Variants in PDE7A observed in about 807,000 individuals in gnomAD.
The protein encoded by PDE7A is phosphodiesterase 7A.
PDE7A carries 39 observed loss-of-function variants against 64.3 expected under a neutral mutation model. The observed-to-expected ratio is 0.61, with a 90% CI of 0.47 to 0.79. The LOEUF (loss-of-function observed/expected upper bound fraction) is 0.79, where lower values mean the gene tolerates loss of function less well. Among genes scored for constraint, PDE7A ranks in the 30% least tolerant of loss-of-function variants. The pLI is 0.00. For synonymous variants in PDE7A, 203 were observed against 206.8 expected (o/e 0.98, Z 0.16); for missense variants, 470 against 582.8 (o/e 0.81, Z 1.99).
rs552487393 is a variant in PDE7A at position 65,816,794 on chromosome 8, G to A, written c.138+24577C>T. ...AAGATACTCTCTTTATCTTTCAGGA[G>A]TTTGACTATGTCTAGGCATGGGTCT... On this transcript the variant is annotated intron_variant, in intron 1 of 12. Coordinates refer to ENST00000401827, the MANE Select transcript of PDE7A (RefSeq NM_001242318.3). Among the ~76,000 whole-genome samples the A allele has an allele frequency of 8.5e-5, 13 of 152,280 alleles. No homozygotes were observed. The East Asian group carries it at 2.5e-3, about 29-fold the overall frequency.
intron 7 of PDE7A, chr8:65,728,506 A>G (rs1332684586): frequency 1.3e-5 from 2 of 152,216 alleles, no homozygotes; most frequent in Admixed American, 1.3e-4. Context: ...GCATATAATT[A>G]GTACACGGAG....
At chr8:65,742,699 T>A (rs1305115005) in intron 5 of PDE7A, among the ~76,000 whole-genome samples, 2 of 152,224 alleles carry the variant, frequency 1.3e-5, no homozygotes, top group Non-Finnish European at 2.9e-5. Flanking sequence ...GGAATTTTTT[T>A]CTGCCCATTT....
In PDE7A at chr8:65,745,405, AC is replaced by A; in HGVS notation, c.499+1del. On this transcript the variant is annotated splice_donor_variant, in intron 5 of 12. Coordinates refer to ENST00000401827, the MANE Select transcript of PDE7A (RefSeq NM_001242318.3). LOFTEE classifies it high-confidence loss of function. ...CTTGAGCAAGTCAAATTCTTCACTTACCATTTGTTAGTCTATCAAATAGAAA... is the reference window on the plus strand; with the variant it reads ...CTTGAGCAAGTCAAATTCTTCACTTACATTTGTTAGTCTATCAAATAGAAA... 1 of 1,507,336 alleles carries A rather than the reference AC, an allele frequency of 6.6e-7. No homozygotes were observed. The highest frequency in any genetic ancestry group is 1.1e-5 in the South Asian group (1 of 88,846). 93.4% of individuals were successfully genotyped at this position (1,507,336 alleles called of 1,614,324 possible).
At chr8:65,784,501 T>C (rs1809496013) in intron 1 of PDE7A, among the ~76,000 whole-genome samples, 2 of 151,992 alleles carry the variant, frequency 1.3e-5, no homozygotes, top group African/African-American at 4.8e-5. Context: ...AGCATGAAAA[T>C]ATTAAAAGAA....
In PDE7A at chr8:65,719,136, G is replaced by A; in HGVS notation, c.*154C>T. ...TTGCAATTAACAAGTGGGTTCAAAT[G>A]ATCCAACAGAGGAAATCTTGGAAAT... On this transcript the variant is annotated 3_prime_UTR_variant, in exon 13 of 13. Transcript: ENST00000401827. 1 of 618,658 alleles carries A rather than the reference G, an allele frequency of 1.6e-6. No homozygotes were observed. The highest frequency in any genetic ancestry group is 1.9e-5 in the South Asian group (1 of 51,432). The allele number at this position is 618,658 out of a possible 1,614,324, so 38.3% of individuals were successfully genotyped here.
intron 1 of PDE7A, among the ~76,000 whole-genome samples, chr8:65,833,689 C>G (rs1340829105): frequency 6.6e-6 from 1 of 152,190 alleles, no homozygotes. Context: ...CTGGGCCAGG[C>G]ACGGTGGCTC....
chr8:65,734,740 A>AAT, intron 7 of PDE7A, 54 bp downstream of exon 7: 1 of 997,338 alleles, frequency 1.0e-6, no homozygotes, highest in South Asian at 1.3e-5. Context: ...TGTGAAAGTA[A>AAT]ATCAAAAGGA....
chr8:65,730,197 T>TTTTTTTA (rs1806810961), intron 7 of PDE7A, among the ~76,000 whole-genome samples: 1 of 119,324 alleles, frequency 8.4e-6, no homozygotes, highest in Non-Finnish European at 1.7e-5. Context: ...TTTTTTTTTT[T>TTTTTTTA]GAGATGGAGT....
intron 3 of PDE7A, among the ~76,000 whole-genome samples, chr8:65,771,884 C>CAAAAAAAA (rs36101490): frequency 2.5e-4 from 14 of 55,774 alleles, no homozygotes; most frequent in Non-Finnish European, 3.0e-4. Flanking sequence ...CTCCATCTCT[C>CAAAAAAAA]AAAAAAAAAA....
intron 1 of PDE7A, among the ~76,000 whole-genome samples, chr8:65,825,873 T>G (rs918779235): frequency 6.6e-6 from 1 of 152,062 alleles, no homozygotes; most frequent in Non-Finnish European, 1.5e-5. Flanking sequence ...GAGGCGGAGA[T>G]GAATGCCAGG....
intron 3 of PDE7A, among the ~76,000 whole-genome samples, chr8:65,775,104 T>C (rs2128922302): frequency 6.6e-6 from 1 of 152,288 alleles, no homozygotes; most frequent in South Asian, 2.1e-4. Flanking sequence ...AAATAGTCCA[T>C]TTCGATTCTT....
intron 6 of PDE7A, among the ~76,000 whole-genome samples, chr8:65,738,681 C>T (rs140539684): frequency 0.04 from 6,104 of 152,324 alleles, 180 homozygotes; most frequent in Non-Finnish European, 0.062. Flanking sequence ...GATCCACCCG[C>T]CTCAGCCTCC....
chr8:65,730,242 G>A (rs904017788), intron 7 of PDE7A, among the ~76,000 whole-genome samples: 9 of 128,930 alleles, frequency 7.0e-5, no homozygotes, highest in East Asian at 2.3e-4. Flanking sequence ...GAGTAATGGC[G>A]CAATCACGGC....
Position 65,745,391 on chromosome 8 carries a change from CA to C in PDE7A, c.499+15del, listed in dbSNP as rs1807629921. On this transcript the variant is annotated intron_variant, in intron 5 of 12. Transcript: ENST00000401827. ...CTAGACTACATTAACTTGAGCAAGT[CA>C]AATTCTTCACTTACCATTTGTTAGT... is the stretch of plus-strand genomic sequence containing the variant. 1.4e-6 allele frequency: 2 copies of C among 1,452,114 alleles called. No individual in the cohort carries two copies. Among genetic ancestry groups the C allele is most frequent in the African/African-American group, 2.8e-5 (2 of 71,818 alleles). 90.0% of individuals were successfully genotyped at this position (1,452,114 alleles called of 1,614,324 possible).
chr8:65,810,436 T>C (rs1451759428), intron 1 of PDE7A, among the ~76,000 whole-genome samples: 1 of 152,130 alleles, frequency 6.6e-6, no homozygotes, highest in African/African-American at 2.4e-5. Context: ...ACACAGCACA[T>C]GTATACATAT....
At chr8:65,807,491 T>C (rs1396118651) in intron 1 of PDE7A, among the ~76,000 whole-genome samples, 1 of 152,092 alleles carries the variant, frequency 6.6e-6, no homozygotes, top group African/African-American at 2.4e-5. Context: ...ATAGTTTTAC[T>C]TTTTCCTTTC....
intron 1 of PDE7A, among the ~76,000 whole-genome samples, chr8:65,803,822 T>C (rs1474309334): frequency 6.6e-6 from 1 of 152,196 alleles, no homozygotes; most frequent in Non-Finnish European, 1.5e-5. Context: ...GAAGCTCCTG[T>C]CAATTCCCAA....
At chr8:65,723,947 A>AT (rs1806499673) in intron 11 of PDE7A, among the ~76,000 whole-genome samples, 1 of 152,200 alleles carries the variant, frequency 6.6e-6, no homozygotes, top group Non-Finnish European at 1.5e-5. Context: ...TTACATGTTC[A>AT]TATGGCCCTC....
At chr8:65,732,034 T>C (rs1806913902) in intron 7 of PDE7A, among the ~76,000 whole-genome samples, 1 of 152,128 alleles carries the variant, frequency 6.6e-6, no homozygotes, top group South Asian at 2.1e-4. Flanking sequence ...AGTTTCACTC[T>C]GTCGCCCAGG....
Sources: gnomAD v4.1 joint callset for allele counts (sites outside exome capture counted in the v4.1 genomes callset) on GRCh38, gnomAD v4.1.1 for gene constraint, MANE v1.5 for transcripts, NCBI Gene and HGNC (gene_info 2026-07-23, HGNC 2026-07-21) for gene names.